The following GLI2 variants were observed in gnomAD, a reference collection of about 807,000 sequenced individuals.
The protein encoded by GLI2 is transcription activator GLI2.
GLI2 carries 22 observed loss-of-function variants against 78.9 expected under a neutral mutation model. That is an observed-to-expected ratio of 0.28 (90% CI 0.20 to 0.40). The LOEUF (loss-of-function observed/expected upper bound fraction) is 0.40. GLI2 is among the 10% of genes least tolerant of loss of function. The pLI, the probability that GLI2 is intolerant of heterozygous loss-of-function variation, is 1.00. For missense variants in GLI2, 2,097 were observed against 2,213.2 expected, an observed-to-expected ratio of 0.95 and a Z score of 1.05; for synonymous variants, 974 against 963.7, an observed-to-expected ratio of 1.01 and a Z score of -0.20.
chr2:120,774,964 G>A lies in GLI2; in HGVS notation c.-30-22327G>A, dbSNP rs543740924. ...TCCCATGAGAGCCCACCAGACTCATGCCAGCCTTAAAATCTCTTTTCCCAA... is the reference window on the plus strand; with the variant it reads ...TCCCATGAGAGCCCACCAGACTCATACCAGCCTTAAAATCTCTTTTCCCAA... On this transcript the variant is annotated intron_variant, in intron 1 of 13. Transcript: ENST00000361492. Among the ~76,000 whole-genome samples, 4 of 152,290 alleles carry A rather than the reference G, an allele frequency of 2.6e-5. No individual in the cohort carries two copies. The South Asian group carries it at 8.3e-4, about 32-fold the overall frequency.
intron 2 of GLI2, among the ~76,000 whole-genome samples, chr2:120,860,101 C>T (rs1364872234): frequency 6.6e-6 from 1 of 152,230 alleles, no homozygotes. Flanking sequence ...CGCCCTCCTC[C>T]TGGCTGTGGT....
At chr2:120,840,683 C>T (rs1222484302) in intron 2 of GLI2, among the ~76,000 whole-genome samples, 1 of 152,214 alleles carries the variant, frequency 6.6e-6, no homozygotes, top group Non-Finnish European at 1.5e-5. Flanking sequence ...TTCAGCTCCT[C>T]TGCCCGTTTC....
At chr2:120,886,895 C>T (rs1489170967) in intron 2 of GLI2, among the ~76,000 whole-genome samples, 3 of 152,214 alleles carry the variant, frequency 2.0e-5, no homozygotes, top group African/African-American at 7.2e-5. Context: ...CACGGTCTGT[C>T]TGTGTCAGGC....
At chr2:120,879,515 G>A (rs1407550225) in intron 2 of GLI2, among the ~76,000 whole-genome samples, 3 of 152,198 alleles carry the variant, frequency 2.0e-5, no homozygotes, top group Non-Finnish European at 4.4e-5. Flanking sequence ...CCCGTGCGTG[G>A]GGAGGCAGCA....
intron 2 of GLI2, among the ~76,000 whole-genome samples, chr2:120,926,957 TC>T (rs57701785): frequency 0.029 from 4,343 of 152,312 alleles, 67 homozygotes; most frequent in Middle Eastern, 0.048. Flanking sequence ...CACTGCAGCA[TC>T]CGGATGCCGT....
At chr2:120,805,518 CA>C (rs1291855225) in intron 2 of GLI2, among the ~76,000 whole-genome samples, 1 of 152,248 alleles carries the variant, frequency 6.6e-6, no homozygotes, top group Non-Finnish European at 1.5e-5. Context: ...GCTTCAAAGT[CA>C]TTTCCACTTA....
At chr2:120,831,105 C>A (rs1402857706) in intron 2 of GLI2, among the ~76,000 whole-genome samples, 1 of 151,210 alleles carries the variant, frequency 6.6e-6, no homozygotes, top group Non-Finnish European at 1.5e-5. Flanking sequence ...CTCTCTCTTT[C>A]TGTCATCCTC....
At chr2:120,882,458 G>A (rs1370598255) in intron 2 of GLI2, among the ~76,000 whole-genome samples, 1 of 152,252 alleles carries the variant, frequency 6.6e-6, no homozygotes, top group Non-Finnish European at 1.5e-5. Flanking sequence ...GTAGGTGTGT[G>A]TCCCTGGAGT....
At chr2:120,862,667 T>G (rs185509359) in intron 2 of GLI2, among the ~76,000 whole-genome samples, 2 of 152,254 alleles carry the variant, frequency 1.3e-5, no homozygotes, top group Admixed American at 1.3e-4. Context: ...TTCTCAGATC[T>G]TTGAGGAAAT....
chr2:120,840,698 C>G (rs180867279), intron 2 of GLI2, among the ~76,000 whole-genome samples: 1 of 152,216 alleles, frequency 6.6e-6, no homozygotes, highest in Non-Finnish European at 1.5e-5. Flanking sequence ...CGTTTCCCAG[C>G]AGAGGCGTGA....
At chr2:120,896,608 T>C (rs1408261564) in intron 2 of GLI2, among the ~76,000 whole-genome samples, 2 of 151,640 alleles carry the variant, frequency 1.3e-5, no homozygotes, top group Non-Finnish European at 2.9e-5. Context: ...TCAACAGGTC[T>C]CTACCATGGC....
chr2:120,915,622 G>A (rs938844117), intron 2 of GLI2, among the ~76,000 whole-genome samples: 1 of 152,164 alleles, frequency 6.6e-6, no homozygotes, highest in Non-Finnish European at 1.5e-5. Context: ...GCTTAGGCCA[G>A]TGACTTCGTC....
intron 2 of GLI2, among the ~76,000 whole-genome samples, chr2:120,799,714 C>T (rs1038102428): frequency 2.0e-5 from 3 of 152,174 alleles, no homozygotes; most frequent in East Asian, 3.9e-4. Context: ...CTTGGAACTT[C>T]GGGTCTTCCT....
chr2:120,909,837 C>T (rs928428232), intron 2 of GLI2, among the ~76,000 whole-genome samples: 2 of 152,252 alleles, frequency 1.3e-5, no homozygotes, highest in African/African-American at 4.8e-5. Flanking sequence ...TGCACTCCGG[C>T]CTGGGCGACA....
intron 2 of GLI2, among the ~76,000 whole-genome samples, chr2:120,823,079 CA>C (rs1217733283): frequency 4.3e-3 from 2 of 466 alleles, no homozygotes; most frequent in Non-Finnish European, 0.012. Context: ...CCACCCCCTG[CA>C]CCCCCCGCCA....
intron 5 of GLI2, among the ~76,000 whole-genome samples, chr2:120,957,857 T>G (rs911266256): frequency 6.6e-6 from 1 of 152,212 alleles, no homozygotes; most frequent in Non-Finnish European, 1.5e-5. Context: ...GCTCCTTACT[T>G]TAAGATGAGC....
At chr2:120,869,119 G>A (rs1688299280) in intron 2 of GLI2, among the ~76,000 whole-genome samples, 1 of 114,644 alleles carries the variant, frequency 8.7e-6, no homozygotes, top group South Asian at 2.7e-4. Flanking sequence ...TGGCAGGGAG[G>A]TCACAGAGGA....
In GLI2 at chr2:120,835,576, G is replaced by T. The variant is rs182356738; in HGVS notation, c.148+38108G>T. Among the ~76,000 whole-genome samples the T allele has an allele frequency of 3.9e-5, 6 of 152,090 alleles. No homozygotes were observed. In the East Asian group the frequency reaches 1.2e-3, roughly 29 times the overall value. Reference sequence around the variant, plus strand: ...AATGTTTGTATTTTTAGAAAAGATGGGGTTTCACCATGTTGACCAGGCTAG... The same window carrying T: ...AATGTTTGTATTTTTAGAAAAGATGTGGTTTCACCATGTTGACCAGGCTAG... On this transcript the variant is annotated intron_variant, in intron 2 of 13. Coordinates refer to ENST00000361492, the MANE Select transcript of GLI2 (RefSeq NM_001374353.1).
chr2:120,841,852 T>G (rs916469483), intron 2 of GLI2, among the ~76,000 whole-genome samples: 2 of 142,478 alleles, frequency 1.4e-5, no homozygotes, highest in Non-Finnish European at 3.1e-5. Flanking sequence ...CTGGAGGGTG[T>G]GTGTGTGTGT....
Sources: allele counts gnomAD v4.1 joint callset (sites outside exome capture counted in the v4.1 genomes callset), GRCh38; gene constraint gnomAD v4.1.1; transcripts MANE v1.5; gene names NCBI Gene and HGNC (gene_info 2026-07-23, HGNC 2026-07-21).